The following AUTS2 variants were observed in gnomAD, a reference collection of about 807,000 sequenced individuals.
AUTS2 encodes autism susceptibility gene 2 protein.
AUTS2 carries 17 observed loss-of-function variants against 112.4 expected under a neutral mutation model. That is an observed-to-expected ratio of 0.15 (90% CI 0.10 to 0.23). The LOEUF (loss-of-function observed/expected upper bound fraction) is 0.23. AUTS2 is among the 10% of genes least tolerant of loss of function. The pLI is 1.00. For synonymous variants in AUTS2, 751 were observed against 702.7 expected, an observed-to-expected ratio of 1.07 and a Z score of -1.09; for missense variants, 1,510 against 1,701.6, an observed-to-expected ratio of 0.89 and a Z score of 1.98.
intron 4 of AUTS2, among the ~76,000 whole-genome samples, chr7:70,249,237 T>C (rs1306418388): frequency 6.6e-6 from 1 of 152,206 alleles, no homozygotes; most frequent in Admixed American, 6.5e-5. Flanking sequence ...GTTGAAATTA[T>C]TTTTTGCGTA....
At chr7:70,038,868 C>T (rs1801125354) in intron 2 of AUTS2, among the ~76,000 whole-genome samples, 1 of 152,100 alleles carries the variant, frequency 6.6e-6, no homozygotes, top group Non-Finnish European at 1.5e-5. Flanking sequence ...AAACAATTCT[C>T]CTGTCTCAGC....
intron 2 of AUTS2, among the ~76,000 whole-genome samples, chr7:69,919,148 G>A (rs1289097039): frequency 6.6e-6 from 1 of 152,164 alleles, no homozygotes; most frequent in South Asian, 2.1e-4. Flanking sequence ...GTGATTCAGA[G>A]GGGGAAACAA....
intron 4 of AUTS2, among the ~76,000 whole-genome samples, chr7:70,318,712 TAGAGGAGGC>T (rs1192866048): frequency 6.6e-6 from 1 of 152,140 alleles, no homozygotes; most frequent in Non-Finnish European, 1.5e-5. Context: ...CTGTTTGCTG[TAGAGGAGGC>T]AGAGGAGGGT....
In AUTS2 at chr7:70,518,554, G is replaced by A. The variant is rs567107996; in HGVS notation, c.690+82773G>A. Among the ~76,000 whole-genome samples, 18 of 152,094 alleles carry A rather than the reference G, an allele frequency of 1.2e-4. No homozygotes were observed. The East Asian group carries it at 3.5e-3, about 30-fold the overall frequency. Reference sequence around the variant, plus strand: ...AAAAAATTAGCCAGGCGTGGTGGCGGGTGCCTGTAGTCCCAGCTACTTGGG... The same window carrying A: ...AAAAAATTAGCCAGGCGTGGTGGCGAGTGCCTGTAGTCCCAGCTACTTGGG... On this transcript the variant is annotated intron_variant, in intron 5 of 18. Coordinates refer to ENST00000342771, the MANE Select transcript of AUTS2 (RefSeq NM_015570.4).
intron 2 of AUTS2, among the ~76,000 whole-genome samples, chr7:69,930,291 G>A (rs1648700194): frequency 6.6e-6 from 1 of 152,096 alleles, no homozygotes; most frequent in Non-Finnish European, 1.5e-5. Context: ...ACCCTCTGTA[G>A]ATCTCCAGGG....
At chr7:70,773,929 T>TGAGA (rs1361905044) in intron 11 of AUTS2, 99 bp from the exon 12 acceptor site, 4 of 1,109,608 alleles carry the variant, frequency 3.6e-6, no homozygotes, top group Non-Finnish European at 4.1e-6. Context: ...AACAAACAAA[T>TGAGA]GAAGTTTGGC....
intron 5 of AUTS2, among the ~76,000 whole-genome samples, chr7:70,670,461 T>C (rs11772110): frequency 0.47 from 71,476 of 151,974 alleles, 17,048 homozygotes; most frequent in East Asian, 0.65. Flanking sequence ...TATTACAGAG[T>C]GAGGAAAGGA....
intron 5 of AUTS2, among the ~76,000 whole-genome samples, chr7:70,443,634 G>A (rs557617366): frequency 6.6e-6 from 1 of 152,284 alleles, no homozygotes; most frequent in Admixed American, 6.5e-5. Flanking sequence ...GTACTCTCAA[G>A]CAACTGAAGG....
intron 5 of AUTS2, among the ~76,000 whole-genome samples, chr7:70,449,666 A>G (rs2131045843): frequency 6.6e-6 from 1 of 152,348 alleles, no homozygotes; most frequent in East Asian, 1.9e-4. Flanking sequence ...TATAGTGATC[A>G]CAAAATCTCA....
At chr7:69,850,432 A>G (rs997149075) in intron 1 of AUTS2, among the ~76,000 whole-genome samples, 1 of 135,034 alleles carries the variant, frequency 7.4e-6, no homozygotes, top group Non-Finnish European at 1.6e-5. Flanking sequence ...AAAAAAAAAA[A>G]AAAGTCAGAC....
chr7:70,392,891 A>T (rs1793925347), intron 4 of AUTS2, among the ~76,000 whole-genome samples: 2 of 152,178 alleles, frequency 1.3e-5, no homozygotes, highest in African/African-American at 4.8e-5. Flanking sequence ...AAGGGACCCT[A>T]TTCCTAGATG....
chr7:70,171,192 T>A (rs2129578844), intron 4 of AUTS2, among the ~76,000 whole-genome samples: 1 of 152,208 alleles, frequency 6.6e-6, no homozygotes, highest in East Asian at 1.9e-4. Flanking sequence ...GGAAAGTTAG[T>A]ACTCTATTGT....
intron 4 of AUTS2, among the ~76,000 whole-genome samples, chr7:70,403,334 T>G (rs1355199765): frequency 6.6e-6 from 1 of 152,256 alleles, no homozygotes; most frequent in Non-Finnish European, 1.5e-5. Flanking sequence ...ATACTTGGAA[T>G]TAAGTCAGGA....
At chr7:70,266,103 A>G (rs1022466123) in intron 4 of AUTS2, among the ~76,000 whole-genome samples, 7 of 152,230 alleles carry the variant, frequency 4.6e-5, no homozygotes, top group African/African-American at 1.7e-4. Flanking sequence ...TGTTTATAGT[A>G]CCATCATTCA....
At chr7:70,443,070 C>T (rs1254823394) in intron 5 of AUTS2, among the ~76,000 whole-genome samples, 1 of 152,112 alleles carries the variant, frequency 6.6e-6, no homozygotes, top group African/African-American at 2.4e-5. Flanking sequence ...TTATACTGAA[C>T]ATGTATGTAC....
chr7:70,711,275 G>T (rs575347768), intron 6 of AUTS2, among the ~76,000 whole-genome samples: 1 of 152,190 alleles, frequency 6.6e-6, no homozygotes, highest in South Asian at 2.1e-4. Flanking sequence ...TACTCTGAGG[G>T]TTTTTTTGGC....
rs767420030 is a variant in AUTS2, at chr7:69,808,045, C to T, written c.310-91241C>T. The stretch of plus-strand genomic sequence containing the variant: ...CAAGCAGTTCTCCTACCTCAGCCTC[C>T]GGATCCTGAGTAGCTGGGACTACAG... On this transcript the variant is annotated intron_variant, in intron 1 of 18. Transcript: ENST00000342771. Among the ~76,000 whole-genome samples, 11 of 151,686 alleles carry T rather than the reference C, an allele frequency of 7.3e-5. No individual in the cohort carries two copies. The East Asian group carries it at 7.8e-4, about 11-fold the overall frequency.
At chr7:70,760,700 G>T (rs994513051) in intron 6 of AUTS2, among the ~76,000 whole-genome samples, 4 of 152,176 alleles carry the variant, frequency 2.6e-5, no homozygotes, top group African/African-American at 9.7e-5. Flanking sequence ...GGACCTATCC[G>T]CAGCAAGGGC....
At chr7:70,671,551 T>C (rs1406686524) in intron 5 of AUTS2, among the ~76,000 whole-genome samples, 1 of 152,196 alleles carries the variant, frequency 6.6e-6, no homozygotes, top group African/African-American at 2.4e-5. Context: ...CTAGCCTCTT[T>C]CCCTATTCCC....
Sources: gnomAD v4.1 joint callset for allele counts (sites outside exome capture counted in the v4.1 genomes callset) on GRCh38, gnomAD v4.1.1 for gene constraint, MANE v1.5 for transcripts, NCBI Gene and HGNC (gene_info 2026-07-23, HGNC 2026-07-21) for gene names.